Variants in DAB1 observed in about 807,000 individuals in gnomAD.
DAB1 encodes the protein DAB adaptor protein 1.
In DAB1, 15 loss-of-function variants were observed where a neutral mutation model predicts 64.6. The ratio of observed to expected loss-of-function variants is 0.23; its 90% CI spans 0.16 to 0.36. The LOEUF is 0.36. DAB1 is among the 10% of genes least tolerant of loss of function. The pLI, the probability that DAB1 is intolerant of heterozygous loss-of-function variation, is 1.00. For synonymous variants in DAB1, 235 were observed against 251.9 expected (o/e 0.93, Z 0.64); for missense variants, 596 against 706.7 (o/e 0.84, Z 1.78).
At chr1:57,682,013 G>A (rs1034879535) in intron 6 of DAB1, among the ~76,000 whole-genome samples, 1 of 152,166 alleles carries the variant, frequency 6.6e-6, no homozygotes, top group African/African-American at 2.4e-5. Flanking sequence ...CCCTTAATAG[G>A]CTTCCGAACA....
At chr1:58,247,296 A>G (rs1232046411) in intron 4 of DAB1, among the ~76,000 whole-genome samples, 1 of 147,844 alleles carries the variant, frequency 6.8e-6, no homozygotes, top group Non-Finnish European at 1.5e-5. Context: ...TAAATAATAC[A>G]TGACTGTAGA....
chr1:57,475,442 G>A (rs1643924438), intron 7 of DAB1, among the ~76,000 whole-genome samples: 1 of 152,196 alleles, frequency 6.6e-6, no homozygotes, highest in South Asian at 2.1e-4. Context: ...GCCTGCCCAG[G>A]TCAATGTCTG....
chr1:57,768,620 T>G (rs1649425643), intron 6 of DAB1, among the ~76,000 whole-genome samples: 1 of 150,846 alleles, frequency 6.6e-6, no homozygotes, highest in South Asian at 2.1e-4. Flanking sequence ...GTATATATAT[T>G]CAATATATAG....
intron 4 of DAB1, among the ~76,000 whole-genome samples, chr1:58,195,010 T>A (rs1657594576): frequency 1.3e-5 from 2 of 152,274 alleles, no homozygotes; most frequent in South Asian, 4.1e-4. Context: ...CTCTAAGACA[T>A]CAGGAAGAAT....
rs555922600 is a variant in DAB1, at chr1:58,450,627, A to G, written n.257+55433T>C. Among the ~76,000 whole-genome samples the G allele has an allele frequency of 3.7e-3, 569 of 152,194 alleles. 2 individuals are homozygous for G. Among genetic ancestry groups the G allele is most frequent in the Middle Eastern group, 0.01 (3 of 294 alleles). ...AAATTAGCCGGGCGTGGTGGCAGGC[A>G]CCTGTAGTCCCAGCTACTCGGGAGG... On this transcript the variant is annotated intron_variant and non_coding_transcript_variant, in intron 3 of 20. Coordinates refer to the DAB1 transcript ENST00000485760.
At chr1:58,079,033 G>T (rs563638303) in intron 5 of DAB1, among the ~76,000 whole-genome samples, 1 of 152,244 alleles carries the variant, frequency 6.6e-6, no homozygotes, top group Admixed American at 6.5e-5. Flanking sequence ...CCTCATTCAG[G>T]GATGGATTTT....
chr1:58,205,995 A>C (rs140282644), intron 4 of DAB1, among the ~76,000 whole-genome samples: 3 of 152,058 alleles, frequency 2.0e-5, no homozygotes, highest in African/African-American at 7.2e-5. Flanking sequence ...TTATGGTTTT[A>C]TTTGTATATA....
chr1:58,024,880 TTC>T (rs1161878940), intron 5 of DAB1, among the ~76,000 whole-genome samples: 5 of 152,190 alleles, frequency 3.3e-5, no homozygotes, highest in Non-Finnish European at 5.9e-5. Flanking sequence ...CATTTTTTAT[TTC>T]TGTCTTTGGA....
At chr1:58,459,710 G>A (rs1444279382) in intron 3 of DAB1, among the ~76,000 whole-genome samples, 1 of 152,136 alleles carries the variant, frequency 6.6e-6, no homozygotes, top group Non-Finnish European at 1.5e-5. Context: ...GGGTATGGTG[G>A]CTCACACCTA....
chr1:57,993,517 A>ATTT (rs1646379546), intron 5 of DAB1, among the ~76,000 whole-genome samples: 1 of 152,166 alleles, frequency 6.6e-6, no homozygotes, highest in African/African-American at 2.4e-5. Context: ...AAAGCTCCCC[A>ATTT]TGACATTTCT....
At chr1:57,393,293 G>A (rs1039432129) in intron 1 of DAB1, among the ~76,000 whole-genome samples, 17 of 152,276 alleles carry the variant, frequency 1.1e-4, no homozygotes, top group African/African-American at 4.1e-4. Flanking sequence ...TACTGCCAGT[G>A]ATTCATTAAA....
At chr1:58,088,087 C>A (rs1650428913) in intron 5 of DAB1, among the ~76,000 whole-genome samples, 1 of 152,188 alleles carries the variant, frequency 6.6e-6, no homozygotes, top group Admixed American at 6.5e-5. Flanking sequence ...CACTACTATG[C>A]TAAGGACATC....
intron 6 of DAB1, among the ~76,000 whole-genome samples, chr1:57,761,463 G>T (rs1469244085): frequency 6.6e-6 from 1 of 152,154 alleles, no homozygotes; most frequent in African/African-American, 2.4e-5. Context: ...GGAAATTCTG[G>T]ATTTGACGAT....
At chr1:57,554,195 A>G (rs1055008042) in intron 7 of DAB1, among the ~76,000 whole-genome samples, 2 of 152,256 alleles carry the variant, frequency 1.3e-5, no homozygotes, top group Admixed American at 1.3e-4. Flanking sequence ...GTTCTAGGCT[A>G]CTAGAAAAGG....
intron 5 of DAB1, among the ~76,000 whole-genome samples, chr1:58,093,236 T>C (rs1204705817): frequency 6.6e-6 from 1 of 152,154 alleles, no homozygotes; most frequent in Non-Finnish European, 1.5e-5. Context: ...GCGTAGTGAA[T>C]TTGACCAAGA....
At chr1:57,592,974 A>G (rs927342917) in intron 7 of DAB1, among the ~76,000 whole-genome samples, 2 of 152,180 alleles carry the variant, frequency 1.3e-5, no homozygotes, top group Admixed American at 6.5e-5. Flanking sequence ...TGGGGCTTCA[A>G]TACATGAATG....
chr1:57,504,843 C>A (rs963370846), intron 7 of DAB1, among the ~76,000 whole-genome samples: 3 of 152,140 alleles, frequency 2.0e-5, no homozygotes, highest in Admixed American at 6.5e-5. Context: ...AAATCTATAA[C>A]CCCAATTTAA....
intron 5 of DAB1, among the ~76,000 whole-genome samples, chr1:58,083,991 T>C (rs1324733587): frequency 1.3e-5 from 2 of 152,162 alleles, no homozygotes; most frequent in Non-Finnish European, 2.9e-5. Context: ...TGTGTTGTTA[T>C]AACAGCAAAA....
At chr1:58,399,492 G>A (rs1390371824) in intron 3 of DAB1, among the ~76,000 whole-genome samples, 2 of 152,198 alleles carry the variant, frequency 1.3e-5, no homozygotes, top group Non-Finnish European at 2.9e-5. Flanking sequence ...TTTTTAGATA[G>A]GGAAACCAAG....
Sources: allele counts gnomAD v4.1 joint callset (sites outside exome capture counted in the v4.1 genomes callset), GRCh38; gene constraint gnomAD v4.1.1; transcripts MANE v1.5; gene names NCBI Gene and HGNC (gene_info 2026-07-23, HGNC 2026-07-21).